The following GALNT13 variants were observed in gnomAD, a reference collection of about 807,000 sequenced individuals.
GALNT13 encodes the protein UDP-GalNAc:polypeptide N-acetylgalactosaminyltransferase 13.
A neutral mutation model predicts 64.2 loss-of-function variants in GALNT13; 28 were observed. The ratio of observed to expected loss-of-function variants is 0.44; its 90% CI spans 0.32 to 0.60. GALNT13 has a LOEUF of 0.60. Ranked by LOEUF, GALNT13 falls within the 20% of genes least tolerant of loss-of-function variation. The probability of loss-of-function intolerance (pLI) is 0.05; values close to 1 mark genes in which losing one functional copy is unlikely to be tolerated. For missense variants in GALNT13, 577 were observed against 669.8 expected, an observed-to-expected ratio of 0.86 and a Z score of 1.53; for synonymous variants, 214 against 224.6, an observed-to-expected ratio of 0.95 and a Z score of 0.42.
At chr2:153,440,131 T>C in the GALNT13 span, among the ~76,000 whole-genome samples, 4 of 144,002 alleles carry the variant, frequency 2.8e-5, no homozygotes, top group Non-Finnish European at 6.0e-5. Flanking sequence ...CCACAGTGGG[T>C]AATGTTCCCC....
At chr2:153,557,026 C>T in the GALNT13 span, among the ~76,000 whole-genome samples, 1 of 152,138 alleles carries the variant, frequency 6.6e-6, no homozygotes, top group Non-Finnish European at 1.5e-5. Flanking sequence ...CCCATCCCCA[C>T]AAATTTGACC....
the GALNT13 span, among the ~76,000 whole-genome samples, chr2:153,400,287 GGT>G: frequency 6.6e-6 from 1 of 152,050 alleles, no homozygotes; most frequent in Non-Finnish European, 1.5e-5. Context: ...ACTTCATCAT[GGT>G]GGATAAGCTT....
the GALNT13 span, among the ~76,000 whole-genome samples, chr2:153,359,776 T>C: frequency 6.6e-5 from 10 of 151,932 alleles, no homozygotes; most frequent in Non-Finnish European, 1.2e-4. Flanking sequence ...TTAAAATAAT[T>C]ACAATTCATA....
At chr2:153,264,407 T>C in the GALNT13 span, among the ~76,000 whole-genome samples, 1 of 152,172 alleles carries the variant, frequency 6.6e-6, no homozygotes, top group Non-Finnish European at 1.5e-5. Context: ...GAGACAGAAA[T>C]ATCATTTGAC....
chr2:153,882,711 C>T (rs550948397), intron 1 of GALNT13, among the ~76,000 whole-genome samples: 2 of 151,538 alleles, frequency 1.3e-5, no homozygotes, highest in South Asian at 4.2e-4. Flanking sequence ...TACATGTAAC[C>T]TCAAACTCCT....
At chr2:153,769,965 G>T in the GALNT13 span, among the ~76,000 whole-genome samples, 3 of 151,998 alleles carry the variant, frequency 2.0e-5, no homozygotes, top group Non-Finnish European at 4.4e-5. Context: ...TTTATATTCT[G>T]AATTGCTATT....
the GALNT13 span, among the ~76,000 whole-genome samples, chr2:153,645,100 T>A: frequency 6.6e-6 from 1 of 152,132 alleles, no homozygotes; most frequent in African/African-American, 2.4e-5. Flanking sequence ...TTAAAAACAT[T>A]CATAAAAATT....
the GALNT13 span, among the ~76,000 whole-genome samples, chr2:153,233,794 A>G: frequency 3.3e-5 from 5 of 152,198 alleles, no homozygotes; most frequent in African/African-American, 4.8e-5. Context: ...TTAGGTTTGT[A>G]GCAGGTCTTA....
chr2:153,924,712 G>A lies in GALNT13; in HGVS notation c.-104-19682G>A, dbSNP rs1015944398. ...AGCGTCCCTTTTTCTCCACGACCTC[G>A]TCAGCATCTGTTGTTTTTTTACTTT... On this transcript the variant is annotated intron_variant, in intron 2 of 12. Transcript: ENST00000392825. Among the ~76,000 whole-genome samples the A allele has an allele frequency of 4.6e-5, 7 of 151,960 alleles. No individual in the cohort carries two copies. In the East Asian group the frequency reaches 9.6e-4, roughly 21 times the overall value.
the GALNT13 span, among the ~76,000 whole-genome samples, chr2:153,233,771 T>G: frequency 0.026 from 3,896 of 152,246 alleles, 179 homozygotes; most frequent in African/African-American, 0.084. Context: ...CAGAAATGAA[T>G]CATCACCTGA....
chr2:153,305,101 T>C, the GALNT13 span, among the ~76,000 whole-genome samples: 1 of 152,132 alleles, frequency 6.6e-6, no homozygotes, highest in South Asian at 2.1e-4. Flanking sequence ...TAGCTTGGAA[T>C]AGTAGGAGAG....
At chr2:153,197,313 A>T in the GALNT13 span, among the ~76,000 whole-genome samples, 1 of 152,202 alleles carries the variant, frequency 6.6e-6, no homozygotes. Flanking sequence ...GGGCACTAGC[A>T]CGGGTGGTGC....
At chr2:154,342,076 T>C (rs1030965426) in intron 9 of GALNT13, among the ~76,000 whole-genome samples, 37 of 152,184 alleles carry the variant, frequency 2.4e-4, no homozygotes, top group Non-Finnish European at 2.6e-4. Flanking sequence ...TTTGGATGTG[T>C]TCAGTTTGAG....
chr2:153,938,813 A>G (rs1691132178), intron 2 of GALNT13, among the ~76,000 whole-genome samples: 1 of 152,054 alleles, frequency 6.6e-6, no homozygotes, highest in Non-Finnish European at 1.5e-5. Flanking sequence ...ATCACACTTC[A>G]TTTTGTCTAA....
the GALNT13 span, among the ~76,000 whole-genome samples, chr2:153,404,640 A>G: frequency 0.026 from 3,946 of 152,266 alleles, 150 homozygotes; most frequent in African/African-American, 0.088. Context: ...TCCAGGAAGG[A>G]ACAATCAATT....
chr2:153,902,799 C>T (rs1377613032), intron 2 of GALNT13, among the ~76,000 whole-genome samples: 1 of 152,108 alleles, frequency 6.6e-6, no homozygotes, highest in East Asian at 1.9e-4. Flanking sequence ...CCATTTTGTG[C>T]AAGAGGAAAC....
the GALNT13 span, among the ~76,000 whole-genome samples, chr2:153,720,611 C>A: frequency 3.1e-3 from 474 of 151,212 alleles, 3 homozygotes; most frequent in Middle Eastern, 0.01. Context: ...CAGAGAAGTG[C>A]TTAAAGGAGC....
the GALNT13 span, among the ~76,000 whole-genome samples, chr2:153,388,816 C>G: frequency 6.6e-6 from 1 of 151,980 alleles, no homozygotes; most frequent in Non-Finnish European, 1.5e-5. Flanking sequence ...CCCAGAAACC[C>G]AGGAGGACTG....
rs553048405 is a variant in GALNT13, at chr2:153,907,997, A to G, written c.-105+6990A>G. ...AGGAATCATGACATTGCTTTCCACA[A>G]TAGTTGAACTAATTTACACTCCCAC... On this transcript the variant is annotated intron_variant, in intron 2 of 12. Transcript: ENST00000392825. 4.6e-5 allele frequency among the ~76,000 whole-genome samples: 7 copies of G among 152,238 alleles called. No individual in the cohort carries two copies. The East Asian group carries it at 1.4e-3, about 29-fold the overall frequency.
Sources: gnomAD v4.1 joint callset for allele counts (sites outside exome capture counted in the v4.1 genomes callset) on GRCh38, gnomAD v4.1.1 for gene constraint, MANE v1.5 for transcripts, NCBI Gene and HGNC (gene_info 2026-07-23, HGNC 2026-07-21) for gene names.